CA10: variants seen among roughly 807,000 people sequenced by gnomAD.
The protein encoded by CA10 is carbonic anhydrase-related protein 10.
A neutral mutation model predicts 44.2 loss-of-function variants in CA10; 14 were observed. The ratio of observed to expected loss-of-function variants is 0.32; its 90% CI spans 0.21 to 0.50. CA10 has a LOEUF of 0.50. Among genes scored for constraint, CA10 ranks in the 20% least tolerant of loss-of-function variants. The pLI, the probability that CA10 is intolerant of heterozygous loss-of-function variation, is 0.99. For missense variants in CA10, 350 were observed against 409.7 expected, an observed-to-expected ratio of 0.85 and a Z score of 1.26; for synonymous variants, 159 against 141.6, an observed-to-expected ratio of 1.12 and a Z score of -0.87.
chr17:52,018,141 C>T (rs545150402), intron 2 of CA10, among the ~76,000 whole-genome samples: 22 of 152,222 alleles, frequency 1.4e-4, no homozygotes, highest in African/African-American at 5.3e-4. Context: ...AGGAAGAGCC[C>T]TCAGAAAGAG....
At chr17:51,753,211 G>A (rs1222141970) in intron 3 of CA10, among the ~76,000 whole-genome samples, 1 of 152,172 alleles carries the variant, frequency 6.6e-6, no homozygotes, top group African/African-American at 2.4e-5. Flanking sequence ...CAGGTAATAG[G>A]TGCTCCACAG....
At chr17:51,771,675 A>T (rs564776936) in intron 3 of CA10, among the ~76,000 whole-genome samples, 2 of 152,240 alleles carry the variant, frequency 1.3e-5, no homozygotes, top group East Asian at 3.9e-4. Context: ...TGAGAAAGTG[A>T]ATGTTAGCCA....
chr17:51,980,393 A>T (rs2144086149), intron 2 of CA10, among the ~76,000 whole-genome samples: 1 of 151,936 alleles, frequency 6.6e-6, no homozygotes, highest in East Asian at 1.9e-4. Flanking sequence ...TCTTTTATAC[A>T]TTTAAGTTCC....
chr17:51,844,988 C>A (rs368049425), intron 3 of CA10, among the ~76,000 whole-genome samples: 2 of 152,122 alleles, frequency 1.3e-5, no homozygotes, highest in African/African-American at 4.8e-5. Context: ...GATACACCGA[C>A]AGAAGACAGC....
chr17:51,910,445 A>T (rs980198285), intron 3 of CA10, among the ~76,000 whole-genome samples: 2 of 152,164 alleles, frequency 1.3e-5, no homozygotes, highest in African/African-American at 4.8e-5. Context: ...ATTCCACAAG[A>T]GTTGTTATGG....
chr17:51,972,113 A>G (rs186430640), intron 2 of CA10, among the ~76,000 whole-genome samples: 7 of 152,170 alleles, frequency 4.6e-5, no homozygotes, highest in African/African-American at 1.7e-4. Context: ...AGAAAATGTG[A>G]TATGTGAGTT....
chr17:51,695,274 C>T (rs1207179394), intron 4 of CA10, among the ~76,000 whole-genome samples: 1 of 152,182 alleles, frequency 6.6e-6, no homozygotes, highest in Non-Finnish European at 1.5e-5. Context: ...ATTGATTCTT[C>T]CAATCCATGA....
intron 2 of CA10, among the ~76,000 whole-genome samples, chr17:52,028,018 T>G (rs1314972111): frequency 6.6e-6 from 1 of 152,216 alleles, no homozygotes; most frequent in Non-Finnish European, 1.5e-5. Flanking sequence ...TGACCATCAC[T>G]TTATATTGGC....
At chr17:51,877,093 G>A (rs904432277) in intron 3 of CA10, among the ~76,000 whole-genome samples, 5 of 152,272 alleles carry the variant, frequency 3.3e-5, no homozygotes, top group Middle Eastern at 3.4e-3. Context: ...AGTGAAAGTG[G>A]GGTGGGTCAC....
intron 1 of CA10, among the ~76,000 whole-genome samples, chr17:52,146,958 C>T (rs575526510): frequency 1.3e-5 from 2 of 152,280 alleles, no homozygotes; most frequent in African/African-American, 4.8e-5. Context: ...CAAGCACCTA[C>T]ATGCCCACAC....
At position 52,157,930 on chromosome 17, in the gene CA10, A is replaced by G. The variant is rs531139074; in HGVS notation, c.-144T>C. On this transcript the variant is annotated 5_prime_UTR_variant, in exon 1 of 9. Coordinates refer to ENST00000451037, the MANE Select transcript of CA10 (RefSeq NM_020178.5). Reference sequence around the variant, plus strand: ...TCCCACCCGACAGCCGGCCAGGGACAGTCACCCCCAAGATCAATATCGCAG... The same window carrying G: ...TCCCACCCGACAGCCGGCCAGGGACGGTCACCCCCAAGATCAATATCGCAG... 2.5e-4 allele frequency: 183 copies of G among 721,698 alleles called. 1 individual carries two copies. In the East Asian group the frequency reaches 3.8e-3, roughly 15 times the overall value. 44.7% of individuals were successfully genotyped at this position (721,698 alleles called of 1,614,324 possible).
At chr17:51,651,773 A>G (rs978986649) in intron 5 of CA10, among the ~76,000 whole-genome samples, 1 of 152,204 alleles carries the variant, frequency 6.6e-6, no homozygotes, top group East Asian at 1.9e-4. Context: ...CACATGAGGT[A>G]AAGTCAGGAC....
intron 2 of CA10, among the ~76,000 whole-genome samples, chr17:52,034,857 G>A (rs1986571157): frequency 1.3e-5 from 2 of 152,286 alleles, no homozygotes; most frequent in South Asian, 2.1e-4. Flanking sequence ...GGAGAGCTGG[G>A]ATGGGTGATG....
chr17:52,151,244 A>G (rs991534822), intron 1 of CA10, among the ~76,000 whole-genome samples: 4 of 152,088 alleles, frequency 2.6e-5, no homozygotes, highest in Non-Finnish European at 5.9e-5. Context: ...CCCTATATCC[A>G]GTCGTTTAGT....
intron 3 of CA10, among the ~76,000 whole-genome samples, chr17:51,820,338 C>T (rs868357609): frequency 7.4e-5 from 11 of 147,772 alleles, no homozygotes; most frequent in East Asian, 2.0e-4. Flanking sequence ...CAATGTTTGT[C>T]GGATGACTCA....
intron 2 of CA10, among the ~76,000 whole-genome samples, chr17:51,931,808 A>G (rs956581432): frequency 6.6e-6 from 1 of 152,084 alleles, no homozygotes; most frequent in African/African-American, 2.4e-5. Flanking sequence ...CCGTCCACTC[A>G]TTTTCAGTGT....
intron 3 of CA10, chr17:51,761,474 TA>T (rs1244653568): frequency 2.6e-5 from 4 of 152,288 alleles, no homozygotes; most frequent in African/African-American, 9.6e-5. Flanking sequence ...GAAAATCATT[TA>T]AAAAAACTGA....
chr17:51,632,483 G>T (rs1912624982), intron 8 of CA10, among the ~76,000 whole-genome samples: 1 of 152,240 alleles, frequency 6.6e-6, no homozygotes, highest in Non-Finnish European at 1.5e-5. Context: ...TCAAGGAGTA[G>T]TGGTGGAGGC....
At chr17:52,003,043 T>C (rs1985481189) in intron 2 of CA10, among the ~76,000 whole-genome samples, 1 of 151,972 alleles carries the variant, frequency 6.6e-6, no homozygotes, top group African/African-American at 2.4e-5. Flanking sequence ...GTTTGCTGTC[T>C]CCAAGTCTCT....
Sources: allele counts gnomAD v4.1 joint callset (sites outside exome capture counted in the v4.1 genomes callset), GRCh38; gene constraint gnomAD v4.1.1; transcripts MANE v1.5; gene names NCBI Gene and HGNC (gene_info 2026-07-23, HGNC 2026-07-21).